DNAAF1: variants seen among roughly 807,000 people sequenced by gnomAD.
DNAAF1 encodes the protein dynein axonemal assembly factor 1.
DNAAF1 carries 65 observed loss-of-function variants against 71.1 expected under a neutral mutation model. The ratio of observed to expected loss-of-function variants is 0.91; its 90% CI spans 0.75 to 1.12. The LOEUF (loss-of-function observed/expected upper bound fraction) is 1.12. Ranked by LOEUF, DNAAF1 falls within the 50% of genes most tolerant of loss-of-function variation. DNAAF1 has a pLI of 0.00. For synonymous variants in DNAAF1, 414 were observed against 354.6 expected, an observed-to-expected ratio of 1.17 and a Z score of -1.88; for missense variants, 1,178 against 899.8, an observed-to-expected ratio of 1.31 and a Z score of -3.96.
chr16:84,159,567 T>G, intron 5 of DNAAF1, 108 bp from the exon 6 acceptor site: 1 of 1,466,496 alleles, frequency 6.8e-7, no homozygotes, highest in Non-Finnish European at 9.3e-7. Flanking sequence ...GCACTTCTAT[T>G]TTGCTCAAAA....
At position 84,165,940 on chromosome 16, in the gene DNAAF1, C is replaced by T. The variant is rs891061030; in HGVS notation, c.1021C>T (p.Gln341Ter). The T allele has an allele frequency of 6.2e-7, 1 of 1,611,566 alleles. No homozygotes were observed. Among genetic ancestry groups the T allele is most frequent in the Non-Finnish European group, 8.5e-7 (1 of 1,179,304 alleles). Reference protein sequence around the residue: ...AEERKRQRESQERGEMTSSDD... With the variant: ...AEERKRQRES ...GGAGAGGAAAAGACAGAGAGAGAGT[C>T]AAGAGAGAGGTATGCGCTCGGCCGA... Residue 341 changes from glutamine to a stop codon, truncating the protein, a stop_gained, in exon 7 of 12, where the codon CAA (glutamine) becomes TAA (stop). Transcript: ENST00000378553. LOFTEE classifies it high-confidence loss of function.
chr16:84,168,767 T>C (rs2088157051), intron 7 of DNAAF1, among the ~76,000 whole-genome samples: 1 of 152,104 alleles, frequency 6.6e-6, no homozygotes, highest in South Asian at 2.1e-4. Flanking sequence ...CGGATAGCTG[T>C]ATGTCTGCAT....
At chr16:84,160,076 G>A (rs1213420522) in intron 6 of DNAAF1, among the ~76,000 whole-genome samples, 1 of 152,130 alleles carries the variant, frequency 6.6e-6, no homozygotes, top group East Asian at 1.9e-4. Flanking sequence ...CTGCATTGAA[G>A]AAAGTGGTTT....
intron 3 of DNAAF1, among the ~76,000 whole-genome samples, chr16:84,151,284 G>C (rs1421842680): frequency 6.6e-6 from 1 of 152,134 alleles, no homozygotes; most frequent in Non-Finnish European, 1.5e-5. Context: ...AGGTGCCTTT[G>C]GTGTCCTGGG....
rs139647723 is a variant in DNAAF1, at chr16:84,163,325, G to A, written c.864-2458G>A. Among the ~76,000 whole-genome samples, 60 of 150,620 alleles carry A rather than the reference G, an allele frequency of 4.0e-4. 2 individuals carry two copies. The East Asian group carries it at 8.9e-3, about 22-fold the overall frequency. On this transcript the variant is annotated intron_variant, in intron 6 of 11. Transcript: ENST00000378553. ...AGTGTAGGAAGGTTCCAATTTTCCC[G>A]TATCCTCACCAACACTTCGGGTTGC...
chr16:84,176,676 G>T, intron 11 of DNAAF1: 2 of 351,798 alleles, frequency 5.7e-6, no homozygotes, highest in Non-Finnish European at 1.1e-5. Flanking sequence ...CTTTTGGAGG[G>T]GACCACCAAC....
chr16:84,168,827 TACAC>T (rs55903132), intron 7 of DNAAF1, among the ~76,000 whole-genome samples: 36 of 145,996 alleles, frequency 2.5e-4, no homozygotes, highest in South Asian at 8.7e-4. Flanking sequence ...ATTTGCCACA[TACAC>T]ACACACACAC....
chr16:84,145,437 A>T lies in DNAAF1; in HGVS notation c.-4A>T, dbSNP rs762251379. On this transcript the variant is annotated 5_prime_UTR_variant, in exon 1 of 12. Coordinates refer to ENST00000378553, the MANE Select transcript of DNAAF1 (RefSeq NM_178452.6). ...GCGGGGCGTTCGGTGTCGCCGAAGT[A>T]AACATGCACCCTGAGCCCTCGGAGC... The T allele has an allele frequency of 2.9e-5, 46 of 1,580,794 alleles. No homozygotes were observed. The highest frequency in any genetic ancestry group is 4.0e-5 in the Non-Finnish European group (46 of 1,163,930).
intron 7 of DNAAF1, among the ~76,000 whole-genome samples, chr16:84,169,092 T>G (rs1188718385): frequency 3.4e-5 from 5 of 145,252 alleles, no homozygotes; most frequent in African/African-American, 1.3e-4. Context: ...TTTTTTTTTT[T>G]TTTTTTTTTT....
At chr16:84,176,685 A>C (rs2088688696) in intron 11 of DNAAF1, 7 of 343,264 alleles carry the variant, frequency 2.0e-5, no homozygotes, top group South Asian at 9.9e-5. Flanking sequence ...GGGACCACCA[A>C]CACCACTGCT....
Position 84,165,881 on chromosome 16 carries a change from T to A in DNAAF1, c.962T>A (p.Ile321Asn), listed in dbSNP as rs367822030. The A allele has an allele frequency of 1.9e-6, 3 of 1,613,292 alleles. No individual in the cohort carries two copies. The highest frequency in any genetic ancestry group is 2.2e-5 in the East Asian group (1 of 44,850). ...SRERKKITDS[I>N]EALAMIKQRA... is the part of the protein sequence containing the mutation. ...GAGCGGAAGAAGATCACAGACAGCA[T>A]TGAAGCCTTGGCCATGATCAAGCAG... is the stretch of plus-strand genomic sequence containing the variant. The change falls in exon 7 of 12, where the codon ATT becomes AAT. Residue 321 changes from isoleucine to asparagine, a missense_variant. Physicochemically the swap from Ile to Asn is moderately radical, Grantham distance 149. Coordinates refer to ENST00000378553, the MANE Select transcript of DNAAF1 (RefSeq NM_178452.6).
intron 7 of DNAAF1, among the ~76,000 whole-genome samples, chr16:84,169,460 C>T (rs1016796250): frequency 6.6e-6 from 1 of 151,292 alleles, no homozygotes; most frequent in African/African-American, 2.4e-5. Flanking sequence ...CGCTCTGTCT[C>T]CCAGGCTGGA....
intron 3 of DNAAF1, among the ~76,000 whole-genome samples, chr16:84,150,986 A>C (rs948784396): frequency 2.0e-5 from 3 of 152,130 alleles, no homozygotes; most frequent in African/African-American, 7.2e-5. Context: ...GTTGGGAAGG[A>C]TTGCAGCTTG....
At chr16:84,155,174 C>A (rs1465943332) in intron 4 of DNAAF1, among the ~76,000 whole-genome samples, 1 of 152,158 alleles carries the variant, frequency 6.6e-6, no homozygotes, top group Admixed American at 6.5e-5. Flanking sequence ...TCCCAAAGTG[C>A]TGGGATTACA....
At chr16:84,176,625 CCCT>C in intron 11 of DNAAF1, 6 of 424,628 alleles carry the variant, frequency 1.4e-5, no homozygotes, top group Non-Finnish European at 2.7e-5. Flanking sequence ...CATTTCCACC[CCCT>C]CCTCACCATC....
chr16:84,145,894 G>A (rs1054226766), intron 1 of DNAAF1, among the ~76,000 whole-genome samples: 5 of 152,182 alleles, frequency 3.3e-5, no homozygotes, highest in Non-Finnish European at 7.4e-5. Flanking sequence ...TCAGGAGTTC[G>A]AGACCAGCCT....
chr16:84,170,073 C>A lies in DNAAF1; in HGVS notation c.1245C>A (p.Thr415=), dbSNP rs147804813. 2 of 1,613,526 alleles carry A rather than the reference C, an allele frequency of 1.2e-6. No individual in the cohort carries two copies. The highest frequency in any genetic ancestry group is 1.7e-6 in the Non-Finnish European group (2 of 1,179,956). The change falls in exon 8 of 12, where the codon ACC becomes ACA. Residue 415 remains threonine (T), a synonymous_variant. Coordinates refer to ENST00000378553, the MANE Select transcript of DNAAF1 (RefSeq NM_178452.6). ...ATGGAGGTCCAGAGCCAGAGGGGACCCTCCCAGCTGAGACCCTGCTACTGT... is the reference window on the plus strand; with the variant it reads ...ATGGAGGTCCAGAGCCAGAGGGGACACTCCCAGCTGAGACCCTGCTACTGT... ...REDGGPEPEG[T]LPAETLLLSS...
chr16:84,176,061 C>T lies in DNAAF1; in HGVS notation c.1827C>T (p.Val609=). The change falls in exon 11 of 12, where the codon GTC becomes GTT. Residue 609 remains valine (V), a synonymous_variant. Transcript: ENST00000378553. ...PTDTLSNIFA[V]SKDTSKAARV... ...ACACTCTGTCAAATATATTTGCAGT[C>T]TCTAAAGACACCTCAAAGGCGGCTC... 6.2e-7 allele frequency: 1 copy of T among 1,614,160 alleles called. No individual in the cohort carries two copies. Among genetic ancestry groups the T allele is most frequent in the Non-Finnish European group, 8.5e-7 (1 of 1,180,024 alleles).
At chr16:84,172,782 T>C (rs1567565529) in intron 9 of DNAAF1, 1 of 1,083,382 alleles carries the variant, frequency 9.2e-7, no homozygotes, top group East Asian at 7.2e-5. Context: ...ATACATTGTA[T>C]CTTTTCCCCC....
Sources: gnomAD v4.1 joint callset for allele counts (sites outside exome capture counted in the v4.1 genomes callset) on GRCh38, gnomAD v4.1.1 for gene constraint, MANE v1.5 for transcripts, NCBI Gene and HGNC (gene_info 2026-07-23, HGNC 2026-07-21) for gene names.